The following ST6GALNAC5 variants were observed in gnomAD, a reference collection of about 807,000 sequenced individuals.
ST6GALNAC5 encodes ST6 N-acetylgalactosaminide alpha-2,6-sialyltransferase 5, also known as alpha-N-acetylgalactosaminide alpha-2,6-sialyltransferase 5.
A neutral mutation model predicts 33.6 loss-of-function variants in ST6GALNAC5; 27 were observed. The ratio of observed to expected loss-of-function variants is 0.80; its 90% CI spans 0.59 to 1.11. The LOEUF (loss-of-function observed/expected upper bound fraction) is 1.11, where lower values mean the gene tolerates loss of function less well. Among genes scored for constraint, ST6GALNAC5 ranks in the 50% least tolerant of loss-of-function variants. The probability of loss-of-function intolerance (pLI) is 0.00; values close to 1 mark genes in which losing one functional copy is unlikely to be tolerated. For synonymous variants in ST6GALNAC5, 194 were observed against 171.2 expected (o/e 1.13, Z -1.04); for missense variants, 428 against 454.0 (o/e 0.94, Z 0.52).
rs901300804 is a variant in ST6GALNAC5, at chr1:76,868,240, C to G, written c.16-257C>G. On this transcript the variant is annotated intron_variant, in intron 1 of 4. Coordinates refer to ENST00000477717, the MANE Select transcript of ST6GALNAC5 (RefSeq NM_030965.3). The surrounding 1 kb of genome is among the most constrained non-coding windows in gnomAD (Gnocchi z 4.3). ...CCCCGGCGCGCTCCCTCCCTCAGCCCGGGGCCGTACACCACCTGCCCTCTA... is the reference window on the plus strand; with the variant it reads ...CCCCGGCGCGCTCCCTCCCTCAGCCGGGGGCCGTACACCACCTGCCCTCTA... Among the ~76,000 whole-genome samples the G allele has an allele frequency of 2.6e-5, 4 of 152,084 alleles. No homozygotes were observed. The highest frequency in any genetic ancestry group is 4.8e-5 in the African/African-American group (2 of 41,444).
chr1:76,941,480 C>T (rs750914283), intron 2 of ST6GALNAC5, among the ~76,000 whole-genome samples: 2 of 152,068 alleles, frequency 1.3e-5, no homozygotes, highest in Non-Finnish European at 2.9e-5. Context: ...AAAAATATCC[C>T]ACCTCCTAAT....
chr1:77,047,222 A>G (rs1280990595), intron 3 of ST6GALNAC5, among the ~76,000 whole-genome samples: 4 of 152,208 alleles, frequency 2.6e-5, no homozygotes, highest in Admixed American at 6.5e-5. Context: ...TTCGGGAAAC[A>G]GTCTTAAAGA....
chr1:76,972,343 A>C (rs751461673), intron 2 of ST6GALNAC5, among the ~76,000 whole-genome samples: 101 of 152,140 alleles, frequency 6.6e-4, no homozygotes, highest in Non-Finnish European at 8.2e-4. Flanking sequence ...GACACGTGGG[A>C]ATGATGAGAT....
chr1:77,006,321 ATTTTTTTT>A, intron 2 of ST6GALNAC5, among the ~76,000 whole-genome samples: 1 of 92,828 alleles, frequency 1.1e-5, no homozygotes, highest in South Asian at 4.2e-4. Flanking sequence ...CACCCGGCTA[ATTTTTTTT>A]TTTTTTTTTT....
intron 2 of ST6GALNAC5, among the ~76,000 whole-genome samples, chr1:77,002,847 T>C (rs1650230931): frequency 6.9e-6 from 1 of 144,876 alleles, no homozygotes; most frequent in African/African-American, 2.6e-5. Flanking sequence ...TGCACTGTGG[T>C]CTGAGAGATA....
intron 2 of ST6GALNAC5, among the ~76,000 whole-genome samples, chr1:77,024,010 A>G (rs924619932): frequency 3.3e-5 from 5 of 152,170 alleles, no homozygotes; most frequent in African/African-American, 1.2e-4. Context: ...TGTTAAGGAG[A>G]CAGATCTGAG....
At chr1:76,873,934 A>T (rs1653568394) in intron 2 of ST6GALNAC5, among the ~76,000 whole-genome samples, 1 of 152,238 alleles carries the variant, frequency 6.6e-6, no homozygotes, top group South Asian at 2.1e-4. Context: ...CTACCCTCAA[A>T]GAACCTTTGA....
chr1:77,002,021 G>A lies in ST6GALNAC5; in HGVS notation c.262-42183G>A, dbSNP rs376766908. Among the ~76,000 whole-genome samples, 136 of 152,108 alleles carry A rather than the reference G, an allele frequency of 8.9e-4. No homozygotes were observed. In the East Asian group the frequency reaches 0.024, roughly 27 times the overall value. ...TGGCCTCATAAAATGAGTTAGGAAG[G>A]ATTCCCTCTTTTTCTATTGATTGGA... On this transcript the variant is annotated intron_variant, in intron 2 of 4. Coordinates refer to ENST00000477717, the MANE Select transcript of ST6GALNAC5 (RefSeq NM_030965.3).
intron 2 of ST6GALNAC5, among the ~76,000 whole-genome samples, chr1:76,872,113 ACACAC>A (rs1653522701): frequency 1.5e-5 from 2 of 132,270 alleles, no homozygotes; most frequent in South Asian, 4.7e-4. Flanking sequence ...ACACACACAC[ACACAC>A]CACACACATT....
intron 2 of ST6GALNAC5, among the ~76,000 whole-genome samples, chr1:76,899,721 T>G (rs183487818): frequency 2.0e-5 from 3 of 151,954 alleles, no homozygotes; most frequent in African/African-American, 7.3e-5. Context: ...TGAAAGGAAT[T>G]GAAATTAAGA....
chr1:76,921,870 G>A (rs780826055), intron 2 of ST6GALNAC5, among the ~76,000 whole-genome samples: 20 of 151,926 alleles, frequency 1.3e-4, no homozygotes, highest in South Asian at 4.1e-4. Flanking sequence ...ACTTGATACA[G>A]AACATCTACA....
intron 2 of ST6GALNAC5, among the ~76,000 whole-genome samples, chr1:77,016,155 T>TCC (rs1650830545): frequency 6.3e-5 from 1 of 15,758 alleles, no homozygotes; most frequent in African/African-American, 2.9e-4. Context: ...CTCCTGTATC[T>TCC]TCCCCTCCTC....
intron 2 of ST6GALNAC5, among the ~76,000 whole-genome samples, chr1:76,967,214 A>G (rs959190994): frequency 6.6e-6 from 1 of 152,136 alleles, no homozygotes; most frequent in Non-Finnish European, 1.5e-5. Context: ...TCGGCTGTGA[A>G]TCCGTGTGGT....
At chr1:77,058,416 C>T (rs539714632) in intron 4 of ST6GALNAC5, among the ~76,000 whole-genome samples, 3 of 152,278 alleles carry the variant, frequency 2.0e-5, no homozygotes, top group Non-Finnish European at 2.9e-5. Context: ...CTCCCTGGGG[C>T]GGGGCATGAG....
intron 2 of ST6GALNAC5, among the ~76,000 whole-genome samples, chr1:76,905,791 A>G (rs1207946112): frequency 1.3e-5 from 2 of 152,220 alleles, no homozygotes; most frequent in Non-Finnish European, 2.9e-5. Context: ...TATCAAGAAA[A>G]TATTTCCAAT....
intron 2 of ST6GALNAC5, among the ~76,000 whole-genome samples, chr1:76,976,408 G>A (rs1250211519): frequency 6.6e-6 from 1 of 151,878 alleles, no homozygotes; most frequent in East Asian, 1.9e-4. Context: ...TTCTTTTTTT[G>A]AGGTTTGATA....
chr1:76,946,798 C>T (rs1275803114), intron 2 of ST6GALNAC5, among the ~76,000 whole-genome samples: 6 of 152,108 alleles, frequency 3.9e-5, no homozygotes, highest in African/African-American at 1.4e-4. Context: ...GATAAACACA[C>T]ACAGATTTTT....
At chr1:77,052,237 G>T (rs1338485864) in intron 4 of ST6GALNAC5, among the ~76,000 whole-genome samples, 1 of 152,184 alleles carries the variant, frequency 6.6e-6, no homozygotes, top group Non-Finnish European at 1.5e-5. Flanking sequence ...CTGGAGGAAA[G>T]GTTCAGTGCT....
intron 2 of ST6GALNAC5, among the ~76,000 whole-genome samples, chr1:76,897,586 A>T (rs1646761277): frequency 6.6e-6 from 1 of 152,008 alleles, no homozygotes; most frequent in African/African-American, 2.4e-5. Context: ...GTCGCCAAGG[A>T]GGGAGTAGAG....
Sources: allele counts gnomAD v4.1 joint callset (sites outside exome capture counted in the v4.1 genomes callset), GRCh38; gene constraint gnomAD v4.1.1; non-coding constraint Gnocchi (gnomAD v3.1); transcripts MANE v1.5; gene names NCBI Gene and HGNC (gene_info 2026-07-23, HGNC 2026-07-21).